Variants in UBR1 observed in about 807,000 individuals in gnomAD.
UBR1 encodes ubiquitin protein ligase E3 component n-recognin 1.
A neutral mutation model predicts 242.1 loss-of-function variants in UBR1; 102 were observed. The observed-to-expected ratio is 0.42, with a 90% CI of 0.36 to 0.50. UBR1 has a LOEUF of 0.50. UBR1 is among the 20% of genes least tolerant of loss of function. The probability of loss-of-function intolerance (pLI) is 0.01; values close to 1 mark genes in which losing one functional copy is unlikely to be tolerated. For synonymous variants in UBR1, 675 were observed against 684.8 expected (o/e 0.99, Z 0.22); for missense variants, 1,772 against 2,101.8 (o/e 0.84, Z 3.07).
chr15:43,040,871 G>A (rs2033409047), intron 15 of UBR1, among the ~76,000 whole-genome samples: 1 of 152,148 alleles, frequency 6.6e-6, no homozygotes, highest in East Asian at 1.9e-4. Context: ...TCAGAGAAAT[G>A]CAAATCAAAA....
chr15:43,051,748 G>A (rs2033559793), intron 12 of UBR1, among the ~76,000 whole-genome samples: 1 of 151,968 alleles, frequency 6.6e-6, no homozygotes, highest in Non-Finnish European at 1.5e-5. Context: ...TAAGGGATTG[G>A]AACAAACAAA....
intron 45 of UBR1, 92 bp downstream of exon 45, chr15:42,952,185 TG>T (rs1890240390): frequency 6.8e-7 from 1 of 1,467,302 alleles, no homozygotes; most frequent in Admixed American, 1.7e-5. Context: ...ATTGATTATT[TG>T]CTATCAACAC....
chr15:43,034,367 GAGA>G (rs1194485306), intron 19 of UBR1, among the ~76,000 whole-genome samples: 2 of 151,396 alleles, frequency 1.3e-5, no homozygotes, highest in Admixed American at 1.3e-4. Context: ...ACTAGAATGG[GAGA>G]AGAAGGTTGC....
intron 15 of UBR1, among the ~76,000 whole-genome samples, chr15:43,042,438 T>A (rs907858468): frequency 1.3e-5 from 2 of 152,096 alleles, no homozygotes; most frequent in African/African-American, 4.8e-5. Flanking sequence ...AAAGGACAAA[T>A]ACTGTTTGAG....
chr15:43,014,958 T>A (rs1382816467), intron 29 of UBR1, among the ~76,000 whole-genome samples: 2 of 132,390 alleles, frequency 1.5e-5, no homozygotes, highest in Non-Finnish European at 1.6e-5. Flanking sequence ...CCAGCTGCCC[T>A]GTCAGGGAGG....
chr15:43,106,006 G>GCCT lies in UBR1; in HGVS notation c.14_16dup (p.Glu5dup), dbSNP rs1441166761. 2 of 1,613,350 alleles carry GCCT rather than the reference G, an allele frequency of 1.2e-6. No individual in the cohort carries two copies. Among genetic ancestry groups the GCCT allele is most frequent in the Non-Finnish European group, 1.7e-6 (2 of 1,179,778 alleles). ...GATTTCCATCCTCTCAGTACCTCCAGCCTCCTCGTCCGCCATCTTGAGGGA... is the reference window on the plus strand; with the variant it reads ...GATTTCCATCCTCTCAGTACCTCCAGCCTCCTCCTCGTCCGCCATCTTGAGGGA... On this transcript the variant is annotated inframe_insertion, in exon 1 of 47. Coordinates refer to ENST00000290650, the MANE Select transcript of UBR1 (RefSeq NM_174916.3).
chr15:42,990,635 T>A (rs1567117568), intron 33 of UBR1, among the ~76,000 whole-genome samples: 1 of 152,236 alleles, frequency 6.6e-6, no homozygotes, highest in Non-Finnish European at 1.5e-5. Context: ...AGAATTTTTT[T>A]AAGAGGATGA....
At chr15:43,021,032 G>C (rs1356970787) in intron 27 of UBR1, 3 of 406,018 alleles carry the variant, frequency 7.4e-6, no homozygotes, top group Non-Finnish European at 1.4e-5. Flanking sequence ...CTATAAGTGA[G>C]CATGGCACAT....
intron 27 of UBR1, among the ~76,000 whole-genome samples, chr15:43,018,156 T>A (rs978990342): frequency 3.6e-4 from 54 of 151,696 alleles, no homozygotes; most frequent in African/African-American, 1.3e-3. Flanking sequence ...GTGCCCGCCA[T>A]AACGCCCGGC....
chr15:43,061,986 T>G (rs544276211), intron 6 of UBR1, among the ~76,000 whole-genome samples: 27 of 150,880 alleles, frequency 1.8e-4, no homozygotes, highest in Admixed American at 2.0e-4. Context: ...AAAAAAAAAA[T>G]AATAATAACA....
chr15:42,986,681 C>T (rs546205475), intron 35 of UBR1, among the ~76,000 whole-genome samples: 1 of 152,280 alleles, frequency 6.6e-6, no homozygotes, highest in East Asian at 1.9e-4. Context: ...TATCCTATAC[C>T]CATGATTTAA....
chr15:42,996,662 T>TA (rs1015777722), intron 33 of UBR1, among the ~76,000 whole-genome samples: 1 of 152,108 alleles, frequency 6.6e-6, no homozygotes, highest in Admixed American at 6.6e-5. Context: ...TGATGAGAAA[T>TA]AAAACCATCA....
chr15:43,014,173 C>T (rs1444091531), intron 29 of UBR1, among the ~76,000 whole-genome samples: 37 of 152,262 alleles, frequency 2.4e-4, no homozygotes, highest in African/African-American at 8.2e-4. Flanking sequence ...CGGAGTCTCG[C>T]TCACTCAGTG....
intron 40 of UBR1, among the ~76,000 whole-genome samples, chr15:42,967,708 G>C (rs2032131918): frequency 6.6e-6 from 1 of 151,564 alleles, no homozygotes; most frequent in Non-Finnish European, 1.5e-5. Context: ...AACTGGTAGG[G>C]GGAGGGAGCA....
Position 43,015,737 on chromosome 15 carries a change from T to G in UBR1, c.3160A>C (p.Asn1054His). 1 of 1,614,180 alleles carries G rather than the reference T, an allele frequency of 6.2e-7. No individual in the cohort carries two copies. Among genetic ancestry groups the G allele is most frequent in the Admixed American group, 1.7e-5 (1 of 60,028 alleles). The stretch of plus-strand genomic sequence containing the variant: ...TCTTTCCCAGGCATTTCTGATGTAT[T>G]GTCATACATGAGTTTATGAGTTTCA... Reference protein sequence around the residue: ...FIETHKLMYDNTSEMPGKEDS... With the variant: ...FIETHKLMYDHTSEMPGKEDS... The change falls in exon 29 of 47, where the codon AAT becomes CAT. Residue 1054 changes from asparagine to histidine, a missense_variant. Asn to His is a moderately conservative substitution (Grantham distance 68). Transcript: ENST00000290650.
At chr15:43,066,381 A>T (rs2033752435) in intron 6 of UBR1, among the ~76,000 whole-genome samples, 1 of 152,118 alleles carries the variant, frequency 6.6e-6, no homozygotes, top group Non-Finnish European at 1.5e-5. Context: ...CTAGTAGTAT[A>T]AAGTAGGGTA....
intron 3 of UBR1, among the ~76,000 whole-genome samples, chr15:43,077,309 A>G (rs1401150519): frequency 6.6e-6 from 1 of 151,498 alleles, no homozygotes; most frequent in Non-Finnish European, 1.5e-5. Context: ...CTGTACTAAG[A>G]AAAATTCTTC....
intron 30 of UBR1, among the ~76,000 whole-genome samples, chr15:43,006,091 T>TA (rs1257692507): frequency 0.017 from 1,204 of 71,594 alleles, 15 homozygotes; most frequent in African/African-American, 0.05. Flanking sequence ...CAATAAATAC[T>TA]AAAAAAAAAA....
intron 44 of UBR1, among the ~76,000 whole-genome samples, chr15:42,956,222 A>C (rs561281731): frequency 1.3e-5 from 2 of 152,236 alleles, no homozygotes; most frequent in Non-Finnish European, 2.9e-5. Flanking sequence ...ACAACAACAA[A>C]AAAAGATTAA....
Sources: gnomAD v4.1 joint callset for allele counts (sites outside exome capture counted in the v4.1 genomes callset) on GRCh38, gnomAD v4.1.1 for gene constraint, MANE v1.5 for transcripts, NCBI Gene and HGNC (gene_info 2026-07-23, HGNC 2026-07-21) for gene names.